DGKI: variants seen among roughly 807,000 people sequenced by gnomAD.
DGKI encodes the protein DAG kinase iota.
DGKI carries 55 observed loss-of-function variants against 147.5 expected under a neutral mutation model. The observed-to-expected ratio is 0.37, with a 90% CI of 0.30 to 0.47. The LOEUF (loss-of-function observed/expected upper bound fraction) is 0.47. DGKI is among the 20% of genes least tolerant of loss of function. DGKI has a pLI of 1.00. For missense variants in DGKI, 1,007 were observed against 1,323.8 expected, an observed-to-expected ratio of 0.76 and a Z score of 3.71; for synonymous variants, 469 against 477.1, an observed-to-expected ratio of 0.98 and a Z score of 0.22.
At chr7:137,659,961 T>C (rs1474472106) in intron 3 of DGKI, among the ~76,000 whole-genome samples, 8 of 152,200 alleles carry the variant, frequency 5.3e-5, no homozygotes, top group Admixed American at 3.9e-4. Context: ...AGGTTACCTC[T>C]TATTCCTTAC....
intron 12 of DGKI, among the ~76,000 whole-genome samples, chr7:137,593,868 A>G (rs1819700619): frequency 6.6e-6 from 1 of 152,190 alleles, no homozygotes; most frequent in Non-Finnish European, 1.5e-5. Flanking sequence ...ACAATAGCCT[A>G]TATTATTATA....
chr7:137,719,020 G>A (rs897791059), intron 1 of DGKI, among the ~76,000 whole-genome samples: 1 of 152,144 alleles, frequency 6.6e-6, no homozygotes, highest in Non-Finnish European at 1.5e-5. Flanking sequence ...TTAATGTCTT[G>A]GAGAACTAGA....
intron 20 of DGKI, among the ~76,000 whole-genome samples, chr7:137,533,256 T>G (rs965627027): frequency 6.6e-6 from 1 of 151,972 alleles, no homozygotes. Flanking sequence ...GCCACTACAC[T>G]TCAGCCTAGC....
At chr7:137,466,864 A>C in intron 25 of DGKI, 38 bp downstream of exon 25, 1 of 1,609,772 alleles carries the variant, frequency 6.2e-7, no homozygotes, top group Non-Finnish European at 8.5e-7. Context: ...TAACTTGGGA[A>C]TTTTTCACTT....
intron 1 of DGKI, among the ~76,000 whole-genome samples, chr7:137,717,172 G>A (rs1016556329): frequency 6.6e-6 from 1 of 152,202 alleles, no homozygotes; most frequent in Non-Finnish European, 1.5e-5. Context: ...ATAAAGAAAT[G>A]TTGCCCTGTA....
chr7:137,757,795 A>G (rs1264089303), intron 1 of DGKI, among the ~76,000 whole-genome samples: 1 of 152,194 alleles, frequency 6.6e-6, no homozygotes, highest in Non-Finnish European at 1.5e-5. Context: ...CTGCTGGCCA[A>G]ATCTATGTGT....
intron 21 of DGKI, among the ~76,000 whole-genome samples, chr7:137,495,998 T>A (rs1297826104): frequency 6.6e-6 from 1 of 152,008 alleles, no homozygotes; most frequent in Non-Finnish European, 1.5e-5. Context: ...GGCACCCAAA[T>A]AGGAAGAGAG....
chr7:137,709,652 A>C (rs1253299257), intron 1 of DGKI, among the ~76,000 whole-genome samples: 3 of 152,192 alleles, frequency 2.0e-5, no homozygotes, highest in Non-Finnish European at 4.4e-5. Flanking sequence ...ATCCTCTCTG[A>C]AGACCCAAGT....
chr7:137,625,545 G>A (rs968747965), intron 6 of DGKI, among the ~76,000 whole-genome samples: 8 of 151,986 alleles, frequency 5.3e-5, no homozygotes, highest in South Asian at 2.1e-4. Context: ...CTGGGAACTC[G>A]GATTGCAGGA....
At chr7:137,401,336 A>G (rs1484168995) in intron 30 of DGKI, among the ~76,000 whole-genome samples, 1 of 151,798 alleles carries the variant, frequency 6.6e-6, no homozygotes, top group Non-Finnish European at 1.5e-5. Flanking sequence ...ATTCAAGAGC[A>G]GCCTGGGTAA....
chr7:137,807,299 G>A (rs1797409256), intron 1 of DGKI, among the ~76,000 whole-genome samples: 1 of 152,196 alleles, frequency 6.6e-6, no homozygotes, highest in Non-Finnish European at 1.5e-5. Flanking sequence ...TGGATGCCTG[G>A]AAAATGTCTA....
chr7:137,586,683 T>TA lies in DGKI; in HGVS notation c.1425+413dup, dbSNP rs374116986. Among the ~76,000 whole-genome samples the TA allele has an allele frequency of 8.6e-4, 124 of 144,086 alleles. 1 individual carries two copies. Among genetic ancestry groups the TA allele is most frequent in the Admixed American group, 5.8e-3 (84 of 14,474 alleles). The allele number at this position is 144,086 out of a possible 152,430, so 94.5% of individuals were successfully genotyped here. A position where few individuals can be genotyped will look rare whatever the true frequency, so the allele number is the denominator to read the frequency against. On this transcript the variant is annotated intron_variant, in intron 13 of 32. Coordinates refer to ENST00000614521, the MANE Select transcript of DGKI (RefSeq NM_001321708.2). ...ATCAAAACAAAACAAAATAAAATGCTAAAAAAAAAAAGTCATAACTCTCCC... is the reference window on the plus strand; with the variant it reads ...ATCAAAACAAAACAAAATAAAATGCTAAAAAAAAAAAAGTCATAACTCTCCC...
At chr7:137,767,204 C>G (rs1796038790) in intron 1 of DGKI, among the ~76,000 whole-genome samples, 1 of 152,058 alleles carries the variant, frequency 6.6e-6, no homozygotes, top group African/African-American at 2.4e-5. Context: ...TGCAGGAAAG[C>G]CACCAGTATG....
chr7:137,466,757 A>G (rs1814676865), intron 25 of DGKI, 145 bp downstream of exon 25: 1 of 779,402 alleles, frequency 1.3e-6, no homozygotes, highest in African/African-American at 1.8e-5. Context: ...AAGACAAATA[A>G]AAGGTTCAAG....
At chr7:137,710,437 C>T (rs73728806) in intron 1 of DGKI, among the ~76,000 whole-genome samples, 1,839 of 151,942 alleles carry the variant, frequency 0.012, 46 homozygotes, top group African/African-American at 0.043. Flanking sequence ...ACAAACTGAC[C>T]AATGAAACAA....
intron 1 of DGKI, among the ~76,000 whole-genome samples, chr7:137,724,066 A>G (rs917103463): frequency 7.3e-5 from 11 of 149,836 alleles, no homozygotes; most frequent in Non-Finnish European, 1.5e-4. Context: ...TACATTAGGT[A>G]AGAGAGAGAG....
intron 6 of DGKI, among the ~76,000 whole-genome samples, chr7:137,635,880 G>C (rs1821291704): frequency 6.6e-6 from 1 of 152,198 alleles, no homozygotes; most frequent in Admixed American, 6.5e-5. Context: ...CTGGTCCCCA[G>C]AGCTCCGGGC....
At chr7:137,816,745 A>T (rs1310996428) in intron 1 of DGKI, among the ~76,000 whole-genome samples, 1 of 152,246 alleles carries the variant, frequency 6.6e-6, no homozygotes, top group Admixed American at 6.5e-5. Context: ...AAGGAGAGGC[A>T]AATTTTTATA....
intron 19 of DGKI, among the ~76,000 whole-genome samples, chr7:137,560,041 G>A (rs1818365868): frequency 6.6e-6 from 1 of 152,172 alleles, no homozygotes; most frequent in Non-Finnish European, 1.5e-5. Context: ...GGAGAACTAA[G>A]TAGAATGTAA....
Sources: allele counts gnomAD v4.1 joint callset (sites outside exome capture counted in the v4.1 genomes callset), GRCh38; gene constraint gnomAD v4.1.1; transcripts MANE v1.5; gene names NCBI Gene and HGNC (gene_info 2026-07-23, HGNC 2026-07-21).